CDK13: variants seen among roughly 807,000 people sequenced by gnomAD.
CDK13 encodes cyclin-dependent kinase 13.
CDK13 carries 40 observed loss-of-function variants against 137.6 expected under a neutral mutation model. The ratio of observed to expected loss-of-function variants is 0.29; its 90% CI spans 0.23 to 0.38. CDK13 has a LOEUF of 0.38. Ranked by LOEUF, CDK13 falls within the 10% of genes least tolerant of loss-of-function variation. The pLI, the probability that CDK13 is intolerant of heterozygous loss-of-function variation, is 1.00. For missense variants in CDK13, 1,704 were observed against 1,951.8 expected (o/e 0.87, Z 2.39); for synonymous variants, 869 against 760.1 (o/e 1.14, Z -2.36).
chr7:39,957,709 C>G (rs952497625), intron 1 of CDK13, among the ~76,000 whole-genome samples: 2 of 152,032 alleles, frequency 1.3e-5, no homozygotes, highest in Non-Finnish European at 2.9e-5. Context: ...TTTATATTTG[C>G]CCTCTGTTGT....
intron 5 of CDK13, among the ~76,000 whole-genome samples, chr7:40,005,289 AAT>A (rs1784774556): frequency 1.7e-5 from 1 of 59,248 alleles, no homozygotes; most frequent in South Asian, 1.1e-3. Context: ...ATTTAAAGTG[AAT>A]TTTTTTTTTT....
chr7:39,989,608 A>T (rs949454494), intron 2 of CDK13, among the ~76,000 whole-genome samples: 4 of 152,130 alleles, frequency 2.6e-5, no homozygotes, highest in Non-Finnish European at 5.9e-5. Flanking sequence ...TTATTTAATT[A>T]TACTACTATA....
intron 5 of CDK13, among the ~76,000 whole-genome samples, chr7:40,031,148 G>C (rs1201477705): frequency 6.6e-6 from 1 of 152,208 alleles, no homozygotes; most frequent in African/African-American, 2.4e-5. Flanking sequence ...ATTTGGTGTT[G>C]TCAGTGTTTT....
intron 5 of CDK13, among the ~76,000 whole-genome samples, chr7:40,042,238 C>G (rs1785622723): frequency 6.6e-6 from 1 of 151,758 alleles, no homozygotes; most frequent in African/African-American, 2.4e-5. Flanking sequence ...ACCACCAAGC[C>G]CAGCTAATTT....
intron 1 of CDK13, among the ~76,000 whole-genome samples, chr7:39,961,945 A>G (rs1004575830): frequency 1.3e-5 from 2 of 152,070 alleles, no homozygotes; most frequent in African/African-American, 2.4e-5. Context: ...CTTCATCCAT[A>G]TCCCTACAAA....
At chr7:40,003,206 A>ACACACACACACACACTCTCTCT (rs374470130) in intron 5 of CDK13, among the ~76,000 whole-genome samples, 3 of 79,904 alleles carry the variant, frequency 3.8e-5, no homozygotes, top group Admixed American at 1.4e-4. Flanking sequence ...ACACACACAC[A>ACACACACACACACACTCTCTCT]CTCTCTCTCT....
At chr7:39,958,132 G>T (rs1224180455) in intron 1 of CDK13, among the ~76,000 whole-genome samples, 1 of 152,154 alleles carries the variant, frequency 6.6e-6, no homozygotes, top group African/African-American at 2.4e-5. Flanking sequence ...ATGTACATTA[G>T]AGGATAAATA....
Position 39,987,615 on chromosome 7 carries a change from C to A in CDK13, c.1228C>A (p.Arg410=). 1 of 1,587,410 alleles carries A rather than the reference C, an allele frequency of 6.3e-7. No individual in the cohort carries two copies. The highest frequency in any genetic ancestry group is 1.4e-5 in the African/African-American group (1 of 73,274). Residue 410 remains arginine, a synonymous_variant, in exon 2 of 14, where the codon CGA becomes AGA. Transcript: ENST00000181839. ...SPVLRRSGKS[R]SRSPYSSRHS... ...TCTCACCAGACGGTCTGGAAAATCC[C>A]GAAGCAGAAGCCCGTATTCATCTAG...
intron 2 of CDK13, among the ~76,000 whole-genome samples, chr7:39,991,907 C>T (rs1784462172): frequency 6.6e-6 from 1 of 151,874 alleles, no homozygotes; most frequent in Non-Finnish European, 1.5e-5. Context: ...CAAAAATTAG[C>T]CTGCTGTGGT....
At chr7:39,984,610 C>T (rs1203611859) in intron 1 of CDK13, 2 of 152,058 alleles carry the variant, frequency 1.3e-5, no homozygotes, top group African/African-American at 4.8e-5. Context: ...GTGTTACAAG[C>T]ATTTATCCTT....
intron 10 of CDK13, 31 bp downstream of exon 10, chr7:40,078,152 G>A (rs757446068): frequency 4.9e-6 from 5 of 1,020,250 alleles, no homozygotes; most frequent in Non-Finnish European, 7.4e-6. Context: ...CATCCTTATT[G>A]CATGAATGTT....
intron 1 of CDK13, chr7:39,984,329 T>TA (rs1784292529): frequency 6.6e-6 from 1 of 151,806 alleles, no homozygotes; most frequent in Admixed American, 6.6e-5. Context: ...AGGATTGCTT[T>TA]AGCCCAAGAA....
At chr7:39,980,861 A>G (rs17171637) in intron 1 of CDK13, among the ~76,000 whole-genome samples, 12,390 of 152,240 alleles carry the variant, frequency 0.081, 1,005 homozygotes, top group East Asian at 0.36. Flanking sequence ...GGAACACTAA[A>G]TAGTCTAACA....
Position 39,997,505 on chromosome 7 carries a change from A to G in CDK13, c.1883A>G (p.Asn628Ser), listed in dbSNP as rs1426879484. The G allele has an allele frequency of 1.3e-6, 2 of 1,595,068 alleles. No homozygotes were observed. The highest frequency in any genetic ancestry group is 4.5e-5 in the East Asian group (2 of 44,650). The change falls in exon 3 of 14, where the codon AAT becomes AGT. Residue 628 changes from asparagine to serine, a missense_variant. Coordinates refer to ENST00000181839, the MANE Select transcript of CDK13 (RefSeq NM_003718.5). Reference protein sequence around the residue: ...EDKEADSLRGNISVKAVKKEV... With the variant: ...EDKEADSLRGSISVKAVKKEV... ...TCTTTCACTTTCAGCTTACGAGGAAATATTTCAGTAAAAGCAGTTAAAAAA... is the reference window on the plus strand; with the variant it reads ...TCTTTCACTTTCAGCTTACGAGGAAGTATTTCAGTAAAAGCAGTTAAAAAA...
At chr7:40,039,062 G>A (rs900951192) in intron 5 of CDK13, among the ~76,000 whole-genome samples, 4 of 152,018 alleles carry the variant, frequency 2.6e-5, no homozygotes, top group East Asian at 1.9e-4. Flanking sequence ...CTCTTTTTTC[G>A]GATGAGCTAA....
intron 13 of CDK13, 141 bp downstream of exon 13, chr7:40,093,378 T>G (rs1459404112): frequency 1.6e-6 from 1 of 642,384 alleles, no homozygotes; most frequent in South Asian, 2.2e-5. Context: ...AATAGGTTGG[T>G]TTTTCAGTCT....
intron 2 of CDK13, among the ~76,000 whole-genome samples, chr7:39,988,943 G>A (rs1784399065): frequency 6.6e-6 from 1 of 151,738 alleles, no homozygotes; most frequent in African/African-American, 2.4e-5. Flanking sequence ...ACTTAGCTGG[G>A]CGCAGTGGCA....
chr7:39,952,187 C>T (rs965194670), intron 1 of CDK13: 1 of 230,066 alleles, frequency 4.3e-6, no homozygotes, highest in African/African-American at 2.2e-5. Flanking sequence ...TTTGGGTAAA[C>T]CTAGAGGTGG....
chr7:40,097,301 TC>T lies in CDK13; in HGVS notation c.*2322del, dbSNP rs1562772524. 3 of 152,034 alleles carry T rather than the reference TC, an allele frequency of 2.0e-5. No individual in the cohort carries two copies. Among genetic ancestry groups the T allele is most frequent in the Admixed American group, 6.6e-5 (1 of 15,228 alleles). 9.4% of individuals were successfully genotyped at this position (152,034 alleles called of 1,614,324 possible). On this transcript the variant is annotated 3_prime_UTR_variant, in exon 14 of 14. Transcript: ENST00000181839. Reference sequence around the variant, plus strand: ...GTGAGACATACTAGTCTTTTATATGTCACTTAGAAGAAAAAATGTTGCCAAT... The same window carrying T: ...GTGAGACATACTAGTCTTTTATATGTACTTAGAAGAAAAAATGTTGCCAAT...
Sources: gnomAD v4.1 joint callset for allele counts (sites outside exome capture counted in the v4.1 genomes callset) on GRCh38, gnomAD v4.1.1 for gene constraint, MANE v1.5 for transcripts, NCBI Gene and HGNC (gene_info 2026-07-23, HGNC 2026-07-21) for gene names.